Variants in SYT1 observed in about 807,000 individuals in gnomAD.
SYT1 encodes the protein synaptotagmin 1.
A neutral mutation model predicts 44.8 loss-of-function variants in SYT1; 8 were observed. The observed-to-expected ratio is 0.18, with a 90% CI of 0.10 to 0.32. The LOEUF (loss-of-function observed/expected upper bound fraction) is 0.32, where lower values mean the gene tolerates loss of function less well. SYT1 is among the 10% of genes least tolerant of loss of function. The pLI is 1.00. For missense variants in SYT1, 286 were observed against 509.3 expected, an observed-to-expected ratio of 0.56 and a Z score of 4.22; for synonymous variants, 154 against 188.8, an observed-to-expected ratio of 0.82 and a Z score of 1.51.
chr12:79,038,918 A>G (rs1395926099), intron 2 of SYT1, among the ~76,000 whole-genome samples: 2 of 152,050 alleles, frequency 1.3e-5, no homozygotes, highest in African/African-American at 4.8e-5. Context: ...CAAAACCTGG[A>G]TGTAAATATG....
At chr12:78,998,093 GGAAA>G (rs1280880903) in intron 2 of SYT1, among the ~76,000 whole-genome samples, 1 of 152,108 alleles carries the variant, frequency 6.6e-6, no homozygotes, top group African/African-American at 2.4e-5. Context: ...AATCTGAAAA[GGAAA>G]GAAAGAAAGA....
At chr12:79,102,016 T>C (rs1878472968) in intron 3 of SYT1, among the ~76,000 whole-genome samples, 1 of 152,182 alleles carries the variant, frequency 6.6e-6, no homozygotes, top group Admixed American at 6.5e-5. Flanking sequence ...ATCTTAAAAT[T>C]ACCTATTCAT....
chr12:79,027,502 T>C (rs558699731), intron 2 of SYT1, among the ~76,000 whole-genome samples: 1 of 151,340 alleles, frequency 6.6e-6, no homozygotes, highest in Admixed American at 6.6e-5. Flanking sequence ...TGCTTTTTAT[T>C]ATATATAAGT....
chr12:79,264,024 G>A (rs1877982193), intron 4 of SYT1, among the ~76,000 whole-genome samples: 1 of 152,038 alleles, frequency 6.6e-6, no homozygotes, highest in Non-Finnish European at 1.5e-5. Context: ...TCAGAGATTG[G>A]ATTAATAAAA....
At chr12:79,229,147 T>A (rs1056475511) in intron 4 of SYT1, among the ~76,000 whole-genome samples, 2 of 152,222 alleles carry the variant, frequency 1.3e-5, no homozygotes, top group African/African-American at 4.8e-5. Context: ...TTCTCGGCAC[T>A]GTGTTGGGAT....
chr12:79,351,465 T>C (rs1882899283), intron 8 of SYT1, among the ~76,000 whole-genome samples: 1 of 151,730 alleles, frequency 6.6e-6, no homozygotes, highest in African/African-American at 2.4e-5. Flanking sequence ...TTAGAACAGT[T>C]AGAGTAACCT....
At chr12:79,392,017 C>T (rs1052305299) in intron 9 of SYT1, among the ~76,000 whole-genome samples, 1 of 152,102 alleles carries the variant, frequency 6.6e-6, no homozygotes, top group African/African-American at 2.4e-5. Flanking sequence ...ACATGAACAG[C>T]ACATATCATC....
At chr12:79,398,397 T>C (rs1019934045) in intron 9 of SYT1, among the ~76,000 whole-genome samples, 1 of 152,230 alleles carries the variant, frequency 6.6e-6, no homozygotes, top group Non-Finnish European at 1.5e-5. Flanking sequence ...ATCCTGGCTT[T>C]GTACTGTTAG....
At chr12:79,121,613 T>C (rs1879603662) in intron 3 of SYT1, among the ~76,000 whole-genome samples, 1 of 152,196 alleles carries the variant, frequency 6.6e-6, no homozygotes, top group Non-Finnish European at 1.5e-5. Context: ...CCTGCTCCCA[T>C]GCCCATTTCT....
At chr12:79,235,916 T>C (rs1411707681) in intron 4 of SYT1, among the ~76,000 whole-genome samples, 1 of 152,194 alleles carries the variant, frequency 6.6e-6, no homozygotes, top group Non-Finnish European at 1.5e-5. Flanking sequence ...ATTCACTTTC[T>C]TTTCTTTTTC....
chr12:78,973,925 AAAAAAAAAAAAAAATAT>A (rs1408273508), intron 1 of SYT1, among the ~76,000 whole-genome samples: 1 of 31,216 alleles, frequency 3.2e-5, no homozygotes, highest in African/African-American at 1.2e-4. Context: ...CCAAAAAAAA[AAAAAAAAAAAAAAATAT>A]ATATATATAT....
At chr12:79,029,243 T>C (rs1872699982) in intron 2 of SYT1, among the ~76,000 whole-genome samples, 1 of 151,022 alleles carries the variant, frequency 6.6e-6, no homozygotes, top group Admixed American at 6.6e-5. Context: ...CAGATTGCAC[T>C]GAAAAGAGCC....
At chr12:79,049,645 T>C (rs2137780748) in intron 3 of SYT1, among the ~76,000 whole-genome samples, 1 of 152,056 alleles carries the variant, frequency 6.6e-6, no homozygotes, top group South Asian at 2.1e-4. Context: ...GAATAAAACA[T>C]GATATCAGAT....
At chr12:79,359,219 G>A (rs972290572) in intron 9 of SYT1, among the ~76,000 whole-genome samples, 1 of 152,094 alleles carries the variant, frequency 6.6e-6, no homozygotes, top group Admixed American at 6.6e-5. Flanking sequence ...CAAGCATGGG[G>A]GCAAGCTGGA....
intron 3 of SYT1, among the ~76,000 whole-genome samples, chr12:79,123,526 C>T (rs1334221757): frequency 6.6e-6 from 1 of 152,148 alleles, no homozygotes; most frequent in Non-Finnish European, 1.5e-5. Context: ...TTGTTCAAGG[C>T]TATGCTCTTA....
chr12:79,436,185 T>C (rs1413138796), intron 9 of SYT1, among the ~76,000 whole-genome samples: 1 of 152,202 alleles, frequency 6.6e-6, no homozygotes, highest in Non-Finnish European at 1.5e-5. Flanking sequence ...GTAAGTTACC[T>C]TTACAATTTA....
rs111293447 is a variant in SYT1, at chr12:79,052,105, A to G, written c.-18+4743A>G. ...TTGATGGGGATGGCATTGAATCTAT[A>G]AATTACCTTGGGCAGTATGGCCATT... On this transcript the variant is annotated intron_variant, in intron 3 of 10. Coordinates refer to ENST00000261205, the MANE Select transcript of SYT1 (RefSeq NM_005639.3). 9.1e-3 allele frequency among the ~76,000 whole-genome samples: 1,389 copies of G among 152,196 alleles called. 25 individuals are homozygous for G. Among genetic ancestry groups the G allele is most frequent in the East Asian group, 0.066 (339 of 5,160 alleles).
chr12:79,224,092 A>G (rs2094824974), intron 4 of SYT1, among the ~76,000 whole-genome samples: 1 of 152,126 alleles, frequency 6.6e-6, no homozygotes, highest in Non-Finnish European at 1.5e-5. Context: ...TCATGCATGG[A>G]TAGCTGTTCA....
At chr12:79,256,471 A>G (rs1877523979) in intron 4 of SYT1, among the ~76,000 whole-genome samples, 1 of 152,174 alleles carries the variant, frequency 6.6e-6, no homozygotes, top group African/African-American at 2.4e-5. Flanking sequence ...TCAAACCATT[A>G]CCTTATCAAG....
Sources: gnomAD v4.1 joint callset for allele counts (sites outside exome capture counted in the v4.1 genomes callset) on GRCh38, gnomAD v4.1.1 for gene constraint, MANE v1.5 for transcripts, NCBI Gene and HGNC (gene_info 2026-07-23, HGNC 2026-07-21) for gene names.